The following NEBL variants were observed in gnomAD, a reference collection of about 807,000 sequenced individuals.
NEBL encodes LIM and SH3 protein 2.
Under a neutral mutation model 140.2 loss-of-function variants are expected in NEBL, and 122 were observed. The observed-to-expected ratio is 0.87, with a 90% confidence interval of 0.75 to 1.01. The LOEUF is 1.01. NEBL is among the 50% of genes least tolerant of loss of function. The probability of loss-of-function intolerance (pLI) is 0.00; values close to 1 mark genes in which losing one functional copy is unlikely to be tolerated. For synonymous variants in NEBL, 436 were observed against 398.9 expected (o/e 1.09, Z -1.11); for missense variants, 1,365 against 1,231.3 (o/e 1.11, Z -1.62).
intron 4 of NEBL, among the ~76,000 whole-genome samples, chr10:20,927,194 G>T (rs550846685): frequency 1.3e-5 from 2 of 152,188 alleles, no homozygotes; most frequent in Admixed American, 1.3e-4. Context: ...AAGAATAAAA[G>T]GAATGGACCA....
chr10:20,904,293 C>A (rs927965768), intron 4 of NEBL, among the ~76,000 whole-genome samples: 5 of 152,112 alleles, frequency 3.3e-5, no homozygotes, highest in Non-Finnish European at 7.4e-5. Flanking sequence ...TTTCAGCATT[C>A]CTTACTATGC....
chr10:20,986,256 T>C (rs1457591527), intron 3 of NEBL, among the ~76,000 whole-genome samples: 2 of 152,156 alleles, frequency 1.3e-5, no homozygotes, highest in Non-Finnish European at 2.9e-5. Flanking sequence ...AGTTCAAAGG[T>C]TGGTTCCGCT....
intron 3 of NEBL, among the ~76,000 whole-genome samples, chr10:21,187,022 GTGTGTGTA>G: frequency 7.1e-6 from 1 of 141,006 alleles, no homozygotes; most frequent in South Asian, 2.3e-4. Flanking sequence ...GTGTGTGTGT[GTGTGTGTA>G]TACATATGTA....
chr10:21,163,957 C>G (rs1017559673), intron 2 of NEBL, among the ~76,000 whole-genome samples: 3 of 152,156 alleles, frequency 2.0e-5, no homozygotes, highest in Admixed American at 2.0e-4. Flanking sequence ...ATGGAAGAAA[C>G]AATCATTGCC....
intron 2 of NEBL, among the ~76,000 whole-genome samples, chr10:21,102,382 A>G (rs1837517260): frequency 6.6e-6 from 1 of 152,218 alleles, no homozygotes; most frequent in East Asian, 1.9e-4. Flanking sequence ...GGACGTTTTC[A>G]TCATCAACTG....
At chr10:21,215,774 C>T (rs896790264) in intron 3 of NEBL, among the ~76,000 whole-genome samples, 13 of 152,180 alleles carry the variant, frequency 8.5e-5, no homozygotes, top group Admixed American at 2.0e-4. Context: ...GATCCTTCCA[C>T]CTCAGCCTCT....
chr10:21,056,342 C>G (rs1410235295), intron 2 of NEBL, among the ~76,000 whole-genome samples: 1 of 152,098 alleles, frequency 6.6e-6, no homozygotes, highest in South Asian at 2.1e-4. Flanking sequence ...TTTAATTCAA[C>G]CAAATAATGA....
chr10:20,936,007 T>C (rs1248144457), intron 4 of NEBL, among the ~76,000 whole-genome samples: 1 of 152,122 alleles, frequency 6.6e-6, no homozygotes, highest in Non-Finnish European at 1.5e-5. Flanking sequence ...AAATATAAAA[T>C]AAACTGTTGC....
At chr10:20,987,541 T>C (rs1384639908) in intron 3 of NEBL, among the ~76,000 whole-genome samples, 2 of 152,068 alleles carry the variant, frequency 1.3e-5, no homozygotes. Context: ...AAACACTATA[T>C]CCTCCACTCA....
intron 4 of NEBL, among the ~76,000 whole-genome samples, chr10:20,938,195 G>C (rs996241206): frequency 6.6e-6 from 1 of 152,182 alleles, no homozygotes. Context: ...CCCCCAGTAG[G>C]GGCAGACTGA....
chr10:21,027,998 G>T (rs1833586201), intron 2 of NEBL, among the ~76,000 whole-genome samples: 1 of 151,906 alleles, frequency 6.6e-6, no homozygotes, highest in African/African-American at 2.4e-5. Context: ...AAGGCAGGTG[G>T]ATCACATCAC....
intron 2 of NEBL, among the ~76,000 whole-genome samples, chr10:21,128,304 CT>C (rs1838933733): frequency 6.6e-6 from 1 of 152,046 alleles, no homozygotes; most frequent in African/African-American, 2.4e-5. Context: ...ACATAATAAT[CT>C]TATAGATTAC....
chr10:21,148,928 T>C (rs1251562973), intron 2 of NEBL, among the ~76,000 whole-genome samples: 1 of 152,184 alleles, frequency 6.6e-6, no homozygotes, highest in Non-Finnish European at 1.5e-5. Context: ...AATTCTCTGA[T>C]GTCCATTGTC....
chr10:21,042,585 G>T (rs1030844294), intron 2 of NEBL, among the ~76,000 whole-genome samples: 1 of 152,208 alleles, frequency 6.6e-6, no homozygotes, highest in Non-Finnish European at 1.5e-5. Context: ...AATGCCATCA[G>T]GATGTGCCTT....
intron 2 of NEBL, among the ~76,000 whole-genome samples, chr10:21,161,326 T>G (rs1840550606): frequency 6.6e-6 from 1 of 152,002 alleles, no homozygotes; most frequent in Non-Finnish European, 1.5e-5. Flanking sequence ...GCCACCATAC[T>G]CGTCCTCTAT....
intron 4 of NEBL, among the ~76,000 whole-genome samples, chr10:20,905,442 A>C (rs964200848): frequency 3.9e-5 from 6 of 152,206 alleles, no homozygotes; most frequent in African/African-American, 1.4e-4. Flanking sequence ...GGCAGGCAAG[A>C]GAGAGCCAGC....
chr10:21,118,688 C>G (rs1838389634), intron 2 of NEBL, among the ~76,000 whole-genome samples: 1 of 152,022 alleles, frequency 6.6e-6, no homozygotes, highest in Admixed American at 6.6e-5. Context: ...ATGGGCAGAA[C>G]TATATTAATC....
intron 27 of NEBL, among the ~76,000 whole-genome samples, chr10:20,786,420 A>T (rs1257349962): frequency 6.6e-6 from 1 of 152,198 alleles, no homozygotes; most frequent in Non-Finnish European, 1.5e-5. Context: ...TCACTATGAG[A>T]GAAATTTAGC....
rs1838661241 is a variant in NEBL, at chr10:20,815,735, A to T, written c.2149-18T>A. 1.4e-6 allele frequency: 2 copies of T among 1,469,522 alleles called. No homozygotes were observed. Among genetic ancestry groups the T allele is most frequent in the African/African-American group, 1.4e-5 (1 of 72,006 alleles). The allele number at this position is 1,469,522 out of a possible 1,614,324, so 91.0% of individuals were successfully genotyped here. A position where few individuals can be genotyped will look rare whatever the true frequency, so the allele number is the denominator to read the frequency against. ...TAATAAACCTATCATTTCAGAGAAC[A>T]AAAAATAGAATACTATGAATCAATT... On this transcript the variant is annotated intron_variant, in intron 21 of 27. Coordinates refer to ENST00000377122, the MANE Select transcript of NEBL (RefSeq NM_006393.3).
Sources: allele counts gnomAD v4.1 joint callset (sites outside exome capture counted in the v4.1 genomes callset), GRCh38; gene constraint gnomAD v4.1.1; transcripts MANE v1.5; gene names NCBI Gene and HGNC (gene_info 2026-07-23, HGNC 2026-07-21).